RTL4: variants seen among roughly 807,000 people sequenced by gnomAD.
RTL4 encodes the protein retrotransposon Gag like 4.
RTL4 carries 4 observed loss-of-function variants against 5.3 expected under a neutral mutation model. The ratio of observed to expected loss-of-function variants is 0.75; its 90% CI spans 0.37 to 1.72. The LOEUF (loss-of-function observed/expected upper bound fraction) is 1.72, where lower values mean the gene tolerates loss of function less well. RTL4 is among the 40% of genes most tolerant of loss of function. The probability of loss-of-function intolerance (pLI) is 0.04; values close to 1 mark genes in which losing one functional copy is unlikely to be tolerated. For synonymous variants in RTL4, 98 were observed against 87.3 expected (o/e 1.12, Z -0.68); for missense variants, 260 against 227.1 (o/e 1.14, Z -0.93).
chrX:112,325,764 C>A, the RTL4 span, among the ~76,000 whole-genome samples: 1 of 112,292 alleles, frequency 8.9e-6, no homozygotes, highest in Admixed American at 9.4e-5. Context: ...GTCTAAAACA[C>A]CAAAAGCAAT....
At chrX:112,396,175 C>T in the RTL4 span, among the ~76,000 whole-genome samples, 1 of 110,657 alleles carries the variant, frequency 9.0e-6, no homozygotes, top group Non-Finnish European at 1.9e-5. Flanking sequence ...GAACTCCGTC[C>T]ATGGGTGCAT....
the RTL4 span, among the ~76,000 whole-genome samples, chrX:112,272,759 T>C: frequency 0.066 from 7,322 of 111,626 alleles, 562 homozygotes; most frequent in African/African-American, 0.23. Context: ...TCCTAGAATT[T>C]TGTCTTCTAG....
the RTL4 span, among the ~76,000 whole-genome samples, chrX:112,198,093 A>G: frequency 8.9e-6 from 1 of 111,850 alleles, no homozygotes; most frequent in African/African-American, 3.3e-5. Context: ...AATGTGACTA[A>G]GCAGATAATG....
At chrX:112,280,560 C>G in the RTL4 span, among the ~76,000 whole-genome samples, 25 of 111,149 alleles carry the variant, frequency 2.2e-4, no homozygotes, top group Middle Eastern at 9.3e-3. Context: ...ATGATCATGG[C>G]CCACTGCAGC....
the RTL4 span, among the ~76,000 whole-genome samples, chrX:112,184,750 C>T: frequency 1.8e-5 from 2 of 111,953 alleles, no homozygotes; most frequent in East Asian, 5.6e-4. Context: ...CACAAGAATT[C>T]GTCAGAGATC....
At chrX:112,426,097 A>G in the RTL4 span, among the ~76,000 whole-genome samples, 3 of 111,097 alleles carry the variant, frequency 2.7e-5, no homozygotes, top group African/African-American at 9.8e-5. Flanking sequence ...ATTTAGTGTT[A>G]ATTTTTTGAC....
chrX:112,196,605 A>G, the RTL4 span, among the ~76,000 whole-genome samples: 1 of 111,717 alleles, frequency 9.0e-6, no homozygotes, highest in African/African-American at 3.2e-5. Flanking sequence ...CTAACCAGCA[A>G]TGTATGAGTA....
At chrX:112,318,606 G>C in the RTL4 span, among the ~76,000 whole-genome samples, 1 of 111,646 alleles carries the variant, frequency 9.0e-6, no homozygotes, top group African/African-American at 3.3e-5. Context: ...GCTTTCTTAA[G>C]AGTTATTTTT....
chrX:112,303,654 GC>G, the RTL4 span, among the ~76,000 whole-genome samples: 7 of 92,741 alleles, frequency 7.5e-5, no homozygotes, highest in African/African-American at 1.7e-4. Context: ...TATACCTAAT[GC>G]TAAATGATGA....
exon 1 of RTL4, chrX:112,456,831 A>C (rs748139389): frequency 1.6e-5 from 2 of 124,642 alleles, no homozygotes; most frequent in African/African-American, 6.5e-5. Context: ...GGGCACATAC[A>C]TTAAAACCAT....
the RTL4 span, among the ~76,000 whole-genome samples, chrX:112,419,625 T>G: frequency 1.4e-4 from 2 of 14,792 alleles, no homozygotes; most frequent in Admixed American, 8.9e-4. Flanking sequence ...ATATATATAT[T>G]TAAGTATGTA....
chrX:112,141,517 C>T, the RTL4 span, among the ~76,000 whole-genome samples: 4 of 111,995 alleles, frequency 3.6e-5, no homozygotes, highest in African/African-American at 1.3e-4. Context: ...TAGATGTCTA[C>T]AGTGTAAGCT....
chrX:112,123,807 C>G, the RTL4 span, among the ~76,000 whole-genome samples: 2 of 111,525 alleles, frequency 1.8e-5, no homozygotes, highest in East Asian at 5.6e-4. Flanking sequence ...GCACCAAAAG[C>G]TAGTGTAACA....
At chrX:112,377,395 C>A in the RTL4 span, among the ~76,000 whole-genome samples, 970 of 111,989 alleles carry the variant, frequency 8.7e-3, 7 homozygotes, top group African/African-American at 0.03. Context: ...GCAACATCAT[C>A]TTGCTATACA....
the RTL4 span, among the ~76,000 whole-genome samples, chrX:112,425,481 T>C: frequency 4.2e-4 from 47 of 111,126 alleles, no homozygotes; most frequent in Non-Finnish European, 1.1e-4. Context: ...AAGAGGACGA[T>C]TAGTTTTGTA....
chrX:112,213,196 G>C, the RTL4 span, among the ~76,000 whole-genome samples: 1 of 112,825 alleles, frequency 8.9e-6, no homozygotes, highest in Non-Finnish European at 1.9e-5. Context: ...GGGAGTTTAT[G>C]ATGGGCCACA....
chrX:112,329,919 T>C, the RTL4 span, among the ~76,000 whole-genome samples: 5 of 109,272 alleles, frequency 4.6e-5, no homozygotes, highest in Non-Finnish European at 9.5e-5. Context: ...CACATGATTA[T>C]CTCAATAGAT....
the RTL4 span, among the ~76,000 whole-genome samples, chrX:112,110,002 G>C: frequency 8.9e-6 from 1 of 111,874 alleles, no homozygotes; most frequent in African/African-American, 3.3e-5. Flanking sequence ...GGAGGAAACA[G>C]ATTTGACAAG....
chrX:112,254,428 C>G, the RTL4 span, among the ~76,000 whole-genome samples: 2 of 109,845 alleles, frequency 1.8e-5, no homozygotes, highest in East Asian at 5.7e-4. Context: ...CTCCTGGGTT[C>G]AAGTGATTCT....
Sources: allele counts gnomAD v4.1 joint callset (sites outside exome capture counted in the v4.1 genomes callset), GRCh38; gene constraint gnomAD v4.1.1; transcripts MANE v1.5; gene names NCBI Gene and HGNC (gene_info 2026-07-23, HGNC 2026-07-21).